Variants in SNTG1 observed in about 807,000 individuals in gnomAD.
SNTG1 encodes the protein gamma-1-syntrophin.
In SNTG1, 39 loss-of-function variants were observed where a neutral mutation model predicts 74.7. The ratio of observed to expected loss-of-function variants is 0.52; its 90% CI spans 0.40 to 0.68. SNTG1 has a LOEUF of 0.68. Among genes scored for constraint, SNTG1 ranks in the 30% least tolerant of loss-of-function variants. SNTG1 has a pLI of 0.00. For missense variants in SNTG1, 685 were observed against 609.5 expected, an observed-to-expected ratio of 1.12 and a Z score of -1.30; for synonymous variants, 254 against 217.1, an observed-to-expected ratio of 1.17 and a Z score of -1.49.
chr8:50,744,179 T>C (rs2095550081), intron 17 of SNTG1, among the ~76,000 whole-genome samples: 1 of 151,930 alleles, frequency 6.6e-6, no homozygotes, highest in Non-Finnish European at 1.5e-5. Flanking sequence ...GGGACAAATA[T>C]CCAAACTAAA....
At chr8:50,561,426 A>T (rs2130687750) in intron 12 of SNTG1, among the ~76,000 whole-genome samples, 1 of 152,288 alleles carries the variant, frequency 6.6e-6, no homozygotes, top group Admixed American at 6.5e-5. Flanking sequence ...TAAAAACCAG[A>T]AAAAAGGAAA....
intron 1 of SNTG1, among the ~76,000 whole-genome samples, chr8:49,989,076 T>C (rs1813439686): frequency 6.6e-6 from 1 of 151,952 alleles, no homozygotes. Context: ...CCTATAAATA[T>C]ATATAACTAT....
At chr8:50,516,555 G>C (rs2094135568) in intron 9 of SNTG1, among the ~76,000 whole-genome samples, 1 of 152,100 alleles carries the variant, frequency 6.6e-6, no homozygotes, top group Admixed American at 6.5e-5. Context: ...TTTAAAAAAA[G>C]GTTAGAGGAA....
chr8:50,607,229 T>A (rs914224129), intron 13 of SNTG1, among the ~76,000 whole-genome samples: 1 of 151,886 alleles, frequency 6.6e-6, no homozygotes, highest in Non-Finnish European at 1.5e-5. Flanking sequence ...GCTTTGTAGA[T>A]TGAATGAGAA....
intron 4 of SNTG1, among the ~76,000 whole-genome samples, chr8:50,405,259 T>C (rs1297652076): frequency 6.6e-6 from 1 of 152,084 alleles, no homozygotes; most frequent in Non-Finnish European, 1.5e-5. Flanking sequence ...CATTTTCCAT[T>C]TCAACAAGCA....
At chr8:50,006,512 T>G (rs929918677) in intron 1 of SNTG1, among the ~76,000 whole-genome samples, 1 of 152,204 alleles carries the variant, frequency 6.6e-6, no homozygotes, top group Non-Finnish European at 1.5e-5. Flanking sequence ...TTTGGCTTAT[T>G]ATGTTTCAAG....
intron 17 of SNTG1, among the ~76,000 whole-genome samples, chr8:50,734,693 C>CAT (rs1433307968): frequency 6.9e-6 from 1 of 144,816 alleles, no homozygotes; most frequent in African/African-American, 2.5e-5. Context: ...TATATATGGA[C>CAT]ATATATATAT....
chr8:50,105,331 T>C (rs1274705890), intron 1 of SNTG1, among the ~76,000 whole-genome samples: 3 of 152,112 alleles, frequency 2.0e-5, no homozygotes, highest in Admixed American at 6.6e-5. Flanking sequence ...TGAAATCAGA[T>C]GGTTGTAGGT....
chr8:50,727,886 C>T (rs1415604560), intron 17 of SNTG1, among the ~76,000 whole-genome samples: 1 of 152,154 alleles, frequency 6.6e-6, no homozygotes, highest in Admixed American at 6.5e-5. Flanking sequence ...TCACCTTCCT[C>T]CTACCTCCTG....
chr8:50,518,167 C>T (rs1352760018), intron 9 of SNTG1, among the ~76,000 whole-genome samples: 2 of 152,156 alleles, frequency 1.3e-5, no homozygotes, highest in African/African-American at 4.8e-5. Flanking sequence ...CAAAACCACA[C>T]AACTACATGG....
intron 2 of SNTG1, among the ~76,000 whole-genome samples, chr8:50,356,162 G>A (rs1046085108): frequency 1.3e-5 from 2 of 151,994 alleles, no homozygotes; most frequent in East Asian, 3.9e-4. Context: ...TTATGTCAGT[G>A]GGGTCTATAG....
intron 1 of SNTG1, among the ~76,000 whole-genome samples, chr8:50,029,559 A>G (rs542964949): frequency 1.6e-4 from 24 of 152,052 alleles, no homozygotes; most frequent in Non-Finnish European, 1.8e-4. Flanking sequence ...CATGAGTTCA[A>G]CTGTTTTAAT....
chr8:49,988,833 A>G (rs1813414444), intron 1 of SNTG1, among the ~76,000 whole-genome samples: 1 of 152,028 alleles, frequency 6.6e-6, no homozygotes, highest in African/African-American at 2.4e-5. Context: ...CAAATGAGTA[A>G]CCTAGTCTTT....
intron 2 of SNTG1, among the ~76,000 whole-genome samples, chr8:50,183,959 G>A (rs185837770): frequency 5.3e-5 from 8 of 151,920 alleles, no homozygotes; most frequent in South Asian, 2.1e-4. Context: ...ATTTATTCCC[G>A]TATCCCTTCT....
At chr8:50,354,557 C>G (rs1326259799) in intron 2 of SNTG1, among the ~76,000 whole-genome samples, 1 of 152,120 alleles carries the variant, frequency 6.6e-6, no homozygotes. Context: ...AATCTTACAT[C>G]CTGAGAGCTG....
At chr8:50,579,536 A>G (rs1183744552) in intron 12 of SNTG1, among the ~76,000 whole-genome samples, 1 of 152,118 alleles carries the variant, frequency 6.6e-6, no homozygotes, top group South Asian at 2.1e-4. Flanking sequence ...AGAGGAAGGA[A>G]AAATGGTTTT....
chr8:50,495,905 A>G (rs2093899680), intron 8 of SNTG1, among the ~76,000 whole-genome samples: 1 of 152,290 alleles, frequency 6.6e-6, no homozygotes, highest in South Asian at 2.1e-4. Flanking sequence ...AAGCCTTTAC[A>G]TTACCGTTTC....
chr8:49,980,563 T>A (rs978631862), intron 1 of SNTG1, among the ~76,000 whole-genome samples: 5 of 144,066 alleles, frequency 3.5e-5, no homozygotes, highest in South Asian at 2.2e-4. Flanking sequence ...TATGTTTGCC[T>A]CATGAGCTCC....
At chr8:50,368,264 G>T (rs536260010) in intron 2 of SNTG1, among the ~76,000 whole-genome samples, 61 of 152,118 alleles carry the variant, frequency 4.0e-4, no homozygotes, top group African/African-American at 1.3e-3. Context: ...AATGTTTTGA[G>T]AAAAATAGCA....
Sources: gnomAD v4.1 joint callset for allele counts (sites outside exome capture counted in the v4.1 genomes callset) on GRCh38, gnomAD v4.1.1 for gene constraint, MANE v1.5 for transcripts, NCBI Gene and HGNC (gene_info 2026-07-23, HGNC 2026-07-21) for gene names.